The following PRDM2 variants were observed in gnomAD, a reference collection of about 807,000 sequenced individuals.
The protein encoded by PRDM2 is PR/SET domain 2, also known as PR domain zinc finger protein 2.
In PRDM2, 30 loss-of-function variants were observed where a neutral mutation model predicts 130.0. The ratio of observed to expected loss-of-function variants is 0.23; its 90% CI spans 0.17 to 0.31. PRDM2 has a LOEUF of 0.31. Among genes scored for constraint, PRDM2 ranks in the 10% least tolerant of loss-of-function variants. The probability of loss-of-function intolerance (pLI) is 1.00; values close to 1 mark genes in which losing one functional copy is unlikely to be tolerated. For synonymous variants in PRDM2, 871 were observed against 782.4 expected (o/e 1.11, Z -1.89); for missense variants, 2,011 against 2,108.4 (o/e 0.95, Z 0.90).
Position 13,731,095 on chromosome 1 carries a change from T to C in PRDM2, c.105T>C (p.Ser35=), listed in dbSNP as rs897374537. 3.1e-6 allele frequency: 5 copies of C among 1,612,574 alleles called. No homozygotes were observed. In the African/African-American group the frequency reaches 6.7e-5, roughly 22 times the overall value. The change falls in exon 3 of 10, where the codon TCT becomes TCC. Residue 35 remains serine, a synonymous_variant. Coordinates refer to ENST00000311066, the MANE Select transcript of PRDM2 (RefSeq NM_001393986.1). ...GLPEEVRLFP[S]AVDKTRIGVW... is the part of the protein sequence containing the mutation. Reference sequence around the variant, plus strand: ...CGGAGGAAGTGAGGCTTTTCCCTTCTGCTGTTGACAAGACCCGGATTGGTG... The same window carrying C: ...CGGAGGAAGTGAGGCTTTTCCCTTCCGCTGTTGACAAGACCCGGATTGGTG...
chr1:13,771,364 G>C lies in PRDM2; in HGVS notation c.512-1714G>C, dbSNP rs1396201240. 1.3e-5 allele frequency among the ~76,000 whole-genome samples: 2 copies of C among 152,172 alleles called. No homozygotes were observed. The highest frequency in any genetic ancestry group is 1.9e-4 in the East Asian group (1 of 5,190). On this transcript the variant is annotated intron_variant, in intron 6 of 9. Transcript: ENST00000311066. This position sits in a 1 kb window ranked among gnomAD's most constrained non-coding sequence, Gnocchi z 4.1. ...CCTTTGGAAATGAATGGATAGACAG[G>C]CTATCAGGAATTTATTTGCTCAAAC...
chr1:13,769,196 C>T (rs908039885), intron 6 of PRDM2: 2 of 973,764 alleles, frequency 2.1e-6, no homozygotes, highest in Non-Finnish European at 2.4e-6. Flanking sequence ...GTGTGCTTGC[C>T]AGGCCTCCCA....
Position 13,816,515 on chromosome 1 carries a change from G to A in PRDM2, c.5125G>A (p.Ala1709Thr). 6.2e-7 allele frequency: 1 copy of A among 1,614,178 alleles called. No homozygotes were observed. The highest frequency in any genetic ancestry group is 8.5e-7 in the Non-Finnish European group (1 of 1,180,006). Residue 1709 changes from alanine to threonine, a missense_variant, in exon 9 of 10, where the codon GCC becomes ACC. By Grantham distance (58) the Ala-to-Thr change is moderately conservative. This residue lies in a region of PRDM2 where 410 missense variants were observed against 395.9 expected (regional missense o/e 1.04). Transcript: ENST00000311066. ...TAGGAAGGTCAAAGCTCCAGCTGCA[G>A]CCCAGTTCCAGGGACCATTCTTCAA... Reference protein sequence around the residue: ...QYRKVKAPAAAQFQGPFFKE With the variant: ...QYRKVKAPAATQFQGPFFKE
rs1203651 is a variant in PRDM2 at position 13,782,619 on chromosome 1, A to G, written c.4824A>G (p.Ser1608=). The change falls in exon 8 of 10, where the codon TCA becomes TCG. Residue 1608 remains serine (S), a synonymous_variant. Coordinates refer to ENST00000311066, the MANE Select transcript of PRDM2 (RefSeq NM_001393986.1). ...NHSAQLSSKT[S]RSLHVRVQKS... is the part of the protein sequence containing the mutation. Reference sequence around the variant, plus strand: ...CTGCTCAGCTTTCCAGCAAAACATCACGGAGCCTGCACGTGAGGGTACAGA... The same window carrying G: ...CTGCTCAGCTTTCCAGCAAAACATCGCGGAGCCTGCACGTGAGGGTACAGA... 595,522 of 1,613,864 alleles carry G rather than the reference A, an allele frequency of 0.37. 113,022 individuals carry two copies. Among genetic ancestry groups the G allele is most frequent in the Admixed American group, 0.57 (34,433 of 60,016 alleles).
At chr1:13,723,521 G>A (rs1642801707) in intron 2 of PRDM2, among the ~76,000 whole-genome samples, 1 of 152,252 alleles carries the variant, frequency 6.6e-6, no homozygotes, top group African/African-American at 2.4e-5. Flanking sequence ...TGAAGGATCA[G>A]CAGCAGGGTT....
chr1:13,770,401 A>G (rs957075081), intron 6 of PRDM2: 9 of 435,696 alleles, frequency 2.1e-5, no homozygotes, highest in African/African-American at 6.3e-5. Flanking sequence ...TTGTTAAGAT[A>G]TAAATCTAGA....
intron 6 of PRDM2, among the ~76,000 whole-genome samples, chr1:13,768,376 C>T (rs1001064963): frequency 6.6e-6 from 1 of 151,288 alleles, no homozygotes; most frequent in African/African-American, 2.4e-5. Flanking sequence ...AGCCACCGCG[C>T]CCGGCCTTCT....
At chr1:13,822,723 A>G (rs1369907210) in intron 9 of PRDM2, among the ~76,000 whole-genome samples, 3 of 152,184 alleles carry the variant, frequency 2.0e-5, no homozygotes, top group African/African-American at 7.2e-5. Context: ...AGCACACTAC[A>G]TAACAACAAG....
At position 13,782,291 on chromosome 1, in the gene PRDM2, A is replaced by C; in HGVS notation, c.4496A>C (p.His1499Pro). 6.2e-7 allele frequency: 1 copy of C among 1,614,018 alleles called. No individual in the cohort carries two copies. Among genetic ancestry groups the C allele is most frequent in the Non-Finnish European group, 8.5e-7 (1 of 1,179,998 alleles). ...KVSHSSKKGG[H>P]SSPASSDKNS... ...TCTCATTCATCTAAGAAAGGTGGAC[A>C]CTCATCACCTGCAAGTAGTGACAAA... The change falls in exon 8 of 10, where the codon CAC becomes CCC. Residue 1499 changes from histidine (H) to proline (P), a missense_variant. Physicochemically the swap from His to Pro is moderately conservative, Grantham distance 77. This residue lies in a region of PRDM2 where 410 missense variants were observed against 395.9 expected (regional missense o/e 1.04). Transcript: ENST00000311066.
At chr1:13,723,067 T>C (rs1642786682) in intron 2 of PRDM2, among the ~76,000 whole-genome samples, 1 of 152,180 alleles carries the variant, frequency 6.6e-6, no homozygotes, top group Non-Finnish European at 1.5e-5. Context: ...CCCGTCTCTA[T>C]TCTGGTGCAG....
rs1257639254 is a variant in PRDM2 at position 13,780,882 on chromosome 1, C to T, written c.3087C>T (p.Pro1029=). Residue 1029 remains proline, a synonymous_variant, in exon 8 of 10, where the codon CCC becomes CCT. Coordinates refer to ENST00000311066, the MANE Select transcript of PRDM2 (RefSeq NM_001393986.1). ...CAATTCTGTCCCCAACAGTGTCCCC[C>T]TCTCCCTCTCCCATTCCTCCCGTGG... ...PLPILSPTVS[P]SPSPIPPVEP... 6.2e-7 allele frequency: 1 copy of T among 1,613,038 alleles called. No individual in the cohort carries two copies. Among genetic ancestry groups the T allele is most frequent in the Non-Finnish European group, 8.5e-7 (1 of 1,179,240 alleles).
At chr1:13,778,390 C>T (rs1557644685) in intron 7 of PRDM2, 28 bp from the exon 8 acceptor site, 2 of 1,551,234 alleles carry the variant, frequency 1.3e-6, no homozygotes, top group Non-Finnish European at 1.7e-6. Flanking sequence ...GCTTCACTTC[C>T]ATGCTTCTGC....
intron 5 of PRDM2, among the ~76,000 whole-genome samples, chr1:13,747,163 A>G (rs1643635796): frequency 6.6e-6 from 1 of 152,246 alleles, no homozygotes; most frequent in African/African-American, 2.4e-5. Flanking sequence ...TCTTCTAGCC[A>G]GTTCTCTGGT....
At chr1:13,801,014 C>G (rs1399437675) in intron 8 of PRDM2, among the ~76,000 whole-genome samples, 1 of 152,228 alleles carries the variant, frequency 6.6e-6, no homozygotes, top group Non-Finnish European at 1.5e-5. Flanking sequence ...ACCTCATGCT[C>G]TCTGCCTCTC....
chr1:13,758,963 C>A (rs1644031125), intron 6 of PRDM2, among the ~76,000 whole-genome samples: 1 of 152,036 alleles, frequency 6.6e-6, no homozygotes, highest in Non-Finnish European at 1.5e-5. Flanking sequence ...AATATAACAT[C>A]TAAAATACTG....
Position 13,780,996 on chromosome 1 carries a change from ATCT to A in PRDM2, c.3204_3206del (p.Ser1072del). ...CCTCCTCCTCTTCGTTTTCTTCTTC[ATCT>A]TCCTCCTCTTCTCCTTCTCCACCTC... On this transcript the variant is annotated inframe_deletion, in exon 8 of 10. Coordinates refer to ENST00000311066, the MANE Select transcript of PRDM2 (RefSeq NM_001393986.1). 2 of 1,598,716 alleles carry A rather than the reference ATCT, an allele frequency of 1.3e-6. No homozygotes were observed. Among genetic ancestry groups the A allele is most frequent in the Non-Finnish European group, 1.7e-6 (2 of 1,167,962 alleles).
chr1:13,769,152 G>A (rs551566319), intron 6 of PRDM2: 5 of 985,748 alleles, frequency 5.1e-6, no homozygotes, highest in East Asian at 2.3e-4. Flanking sequence ...GTAGCGCCCT[G>A]TAGGACCCCC....
At chr1:13,756,725 A>G (rs923365487) in intron 6 of PRDM2, among the ~76,000 whole-genome samples, 3 of 152,216 alleles carry the variant, frequency 2.0e-5, no homozygotes, top group African/African-American at 7.2e-5. Context: ...CTTGACACTT[A>G]TTTGCACATC....
At chr1:13,749,836 C>A (rs1214499999) in intron 6 of PRDM2, among the ~76,000 whole-genome samples, 3 of 152,120 alleles carry the variant, frequency 2.0e-5, no homozygotes, top group African/African-American at 7.2e-5. Flanking sequence ...CCCGCTGGCA[C>A]CCCAAGCCGC....
Sources: allele counts gnomAD v4.1 joint callset (sites outside exome capture counted in the v4.1 genomes callset), GRCh38; gene constraint gnomAD v4.1.1; regional missense constraint gnomAD v4.1.1; non-coding constraint Gnocchi (gnomAD v3.1); transcripts MANE v1.5; gene names NCBI Gene and HGNC (gene_info 2026-07-23, HGNC 2026-07-21).